CDH12: variants seen among roughly 807,000 people sequenced by gnomAD.
CDH12 encodes the protein cadherin 12, also known as cadherin-12.
In CDH12, 41 loss-of-function variants were observed where a neutral mutation model predicts 74.1. That is an observed-to-expected ratio of 0.55 (90% CI 0.43 to 0.72). The LOEUF (loss-of-function observed/expected upper bound fraction) is 0.72, where lower values mean the gene tolerates loss of function less well. Among genes scored for constraint, CDH12 ranks in the 30% least tolerant of loss-of-function variants. The pLI is 0.00. For missense variants in CDH12, 945 were observed against 977.2 expected (o/e 0.97, Z 0.44); for synonymous variants, 399 against 355.0 (o/e 1.12, Z -1.39).
chr5:22,832,620 T>G (rs533515444), intron 1 of CDH12, among the ~76,000 whole-genome samples: 1 of 152,262 alleles, frequency 6.6e-6, no homozygotes, highest in African/African-American at 2.4e-5. Flanking sequence ...AGAAGTATTT[T>G]AAAAGTTTAA....
chr5:21,775,622 G>A lies in CDH12; in HGVS notation c.1393+7736C>T, dbSNP rs990665024. ...TAAAATGTTTCTTCAACCTAGAATG[G>A]CATCCTTCCTTCCATGATGATTTTC... On this transcript the variant is annotated intron_variant, in intron 11 of 14. Coordinates refer to ENST00000382254, the MANE Select transcript of CDH12 (RefSeq NM_004061.5). Among the ~76,000 whole-genome samples the A allele has an allele frequency of 1.6e-4, 24 of 151,982 alleles. 1 individual carries two copies. The highest frequency in any genetic ancestry group is 5.3e-4 in the African/African-American group (22 of 41,462).
At chr5:22,112,253 T>C (rs1744859307) in intron 4 of CDH12, among the ~76,000 whole-genome samples, 1 of 152,178 alleles carries the variant, frequency 6.6e-6, no homozygotes, top group South Asian at 2.1e-4. Flanking sequence ...GGATGCTTTT[T>C]CCCTAGGACA....
Position 21,944,011 on chromosome 5 carries a change from T to A in CDH12, c.526+31080A>T, listed in dbSNP as rs1407496498. ...AATTTTACCCATACCTGCATTTATA[T>A]CTGTATTTATATACCTATAAGAGTA... On this transcript the variant is annotated intron_variant, in intron 6 of 14. Coordinates refer to ENST00000382254, the MANE Select transcript of CDH12 (RefSeq NM_004061.5). Among the ~76,000 whole-genome samples, 3 of 152,260 alleles carry A rather than the reference T, an allele frequency of 2.0e-5. No individual in the cohort carries two copies. The East Asian group carries it at 5.8e-4, about 29-fold the overall frequency.
intron 6 of CDH12, among the ~76,000 whole-genome samples, chr5:21,952,799 C>A (rs1043932607): frequency 3.3e-5 from 5 of 150,394 alleles, no homozygotes; most frequent in Admixed American, 2.0e-4. Context: ...AACTGGGAGT[C>A]AGCCCTACGA....
intron 3 of CDH12, among the ~76,000 whole-genome samples, chr5:22,388,784 T>C (rs1032679767): frequency 2.0e-5 from 3 of 152,172 alleles, no homozygotes; most frequent in South Asian, 2.1e-4. Context: ...ATGCCTTAAA[T>C]ATAACTCTTC....
intron 1 of CDH12, among the ~76,000 whole-genome samples, chr5:22,655,203 T>A (rs1398042548): frequency 6.6e-6 from 1 of 152,200 alleles, no homozygotes; most frequent in Non-Finnish European, 1.5e-5. Context: ...TAACTGGCAA[T>A]GCCCTGGACT....
At chr5:22,819,949 G>GTATA (rs199766922) in intron 1 of CDH12, among the ~76,000 whole-genome samples, 2 of 144,668 alleles carry the variant, frequency 1.4e-5, no homozygotes, top group African/African-American at 5.1e-5. Flanking sequence ...ATGTATGTGT[G>GTATA]TATATATATA....
At chr5:21,841,510 A>G (rs1253869480) in intron 8 of CDH12, among the ~76,000 whole-genome samples, 3 of 149,366 alleles carry the variant, frequency 2.0e-5, no homozygotes, top group East Asian at 2.0e-4. Flanking sequence ...ATTACTGGGT[A>G]TATACCCAAA....
intron 1 of CDH12, among the ~76,000 whole-genome samples, chr5:22,530,703 G>A (rs1737547479): frequency 6.6e-6 from 1 of 152,020 alleles, no homozygotes; most frequent in African/African-American, 2.4e-5. Context: ...AGAAGATGTT[G>A]TAATTCTATC....
chr5:22,153,901 T>TACACACACAC (rs1448948559), intron 4 of CDH12, among the ~76,000 whole-genome samples: 31 of 54,578 alleles, frequency 5.7e-4, no homozygotes, highest in South Asian at 3.2e-3. Flanking sequence ...TATATATATA[T>TACACACACAC]ATACACACAC....
At chr5:22,237,735 A>G (rs1343231947) in intron 3 of CDH12, among the ~76,000 whole-genome samples, 2 of 152,340 alleles carry the variant, frequency 1.3e-5, no homozygotes, top group East Asian at 3.9e-4. Flanking sequence ...CATTGTATCC[A>G]TGAGGTGCAT....
chr5:21,873,513 G>A (rs1187575952), intron 6 of CDH12, among the ~76,000 whole-genome samples: 1 of 152,166 alleles, frequency 6.6e-6, no homozygotes, highest in African/African-American at 2.4e-5. Context: ...ACAAACTTTA[G>A]TGTCACAGGG....
chr5:22,213,257 T>A (rs1435858317), intron 3 of CDH12, among the ~76,000 whole-genome samples: 1 of 152,108 alleles, frequency 6.6e-6, no homozygotes, highest in African/African-American at 2.4e-5. Context: ...GAAGTATTCA[T>A]ACTAAATAAG....
intron 2 of CDH12, among the ~76,000 whole-genome samples, chr5:22,480,412 G>A (rs953696548): frequency 1.2e-4 from 18 of 151,458 alleles, no homozygotes; most frequent in Non-Finnish European, 2.4e-4. Flanking sequence ...GTGAAACTTT[G>A]TCTCTACAAA....
At chr5:21,869,298 A>G (rs1751494296) in intron 6 of CDH12, among the ~76,000 whole-genome samples, 1 of 152,178 alleles carries the variant, frequency 6.6e-6, no homozygotes, top group African/African-American at 2.4e-5. Context: ...CAATAATTCA[A>G]TCTATGTAGG....
chr5:22,386,055 G>T (rs755046643), intron 3 of CDH12, among the ~76,000 whole-genome samples: 14 of 152,060 alleles, frequency 9.2e-5, no homozygotes, highest in Admixed American at 2.6e-4. Context: ...ACCATGCTTG[G>T]CTAATTTTGT....
At chr5:22,495,797 A>C (rs1747084640) in intron 2 of CDH12, among the ~76,000 whole-genome samples, 1 of 152,166 alleles carries the variant, frequency 6.6e-6, no homozygotes, top group Non-Finnish European at 1.5e-5. Context: ...TGACGCCCTT[A>C]ATAATTGCAA....
At chr5:22,111,889 C>T (rs796094786) in intron 4 of CDH12, among the ~76,000 whole-genome samples, 1 of 152,090 alleles carries the variant, frequency 6.6e-6, no homozygotes, top group South Asian at 2.1e-4. Flanking sequence ...AAATTAATGA[C>T]TTTTCGTGTC....
At chr5:22,059,280 T>TATCTATCTATC (rs1554005236) in intron 5 of CDH12, among the ~76,000 whole-genome samples, 2 of 150,866 alleles carry the variant, frequency 1.3e-5, no homozygotes, top group Non-Finnish European at 3.0e-5. Flanking sequence ...TCTATCTATC[T>TATCTATCTATC]ATCTATCTAT....
Sources: allele counts gnomAD v4.1 joint callset (sites outside exome capture counted in the v4.1 genomes callset), GRCh38; gene constraint gnomAD v4.1.1; transcripts MANE v1.5; gene names NCBI Gene and HGNC (gene_info 2026-07-23, HGNC 2026-07-21).